The following RYR3 variants were observed in gnomAD, a reference collection of about 807,000 sequenced individuals.
The protein encoded by RYR3 is ryanodine receptor 3.
In RYR3, 207 loss-of-function variants were observed where a neutral mutation model predicts 584.3. The observed-to-expected ratio is 0.35, with a 90% CI of 0.32 to 0.40. The LOEUF is 0.40. RYR3 is among the 10% of genes least tolerant of loss of function. The pLI is 1.00. For synonymous variants in RYR3, 2,416 were observed against 2,248.5 expected (o/e 1.07, Z -2.11); for missense variants, 5,616 against 6,089.2 (o/e 0.92, Z 2.59).
At chr15:33,623,760 A>G in intron 19 of RYR3, 47 bp from the exon 20 acceptor site, 3 of 1,328,952 alleles carry the variant, frequency 2.3e-6, no homozygotes, top group Non-Finnish European at 3.2e-6. Flanking sequence ...TTTGGGCTGC[A>G]TTGTTTTTTT....
intron 1 of RYR3, among the ~76,000 whole-genome samples, chr15:33,420,293 C>T (rs193001845): frequency 6.6e-6 from 1 of 152,216 alleles, no homozygotes; most frequent in East Asian, 1.9e-4. Context: ...GCAAAGCAAC[C>T]AACAGAAGAA....
chr15:33,628,988 G>A (rs1420153480), intron 21 of RYR3, among the ~76,000 whole-genome samples: 1 of 152,180 alleles, frequency 6.6e-6, no homozygotes, highest in Admixed American at 6.5e-5. Context: ...TAAATTGACT[G>A]TGTTCCATGA....
rs756214937 is a variant in RYR3, at chr15:33,613,208, C to A, written c.2190C>A (p.Ser730=). 6.2e-7 allele frequency: 1 copy of A among 1,613,664 alleles called. No homozygotes were observed. The highest frequency in any genetic ancestry group is 2.2e-5 in the East Asian group (1 of 44,878). The change falls in exon 19 of 104, where the codon TCC becomes TCA. Residue 730 remains serine, a synonymous_variant. Transcript: ENST00000634891. ...WSGRIPRAVA[S]INQHLLRSDD... ...GCCGGATACCCAGAGCTGTGGCTTCCATCAACCAGCACCTCCTGAGATCGG... is the reference window on the plus strand; with the variant it reads ...GCCGGATACCCAGAGCTGTGGCTTCAATCAACCAGCACCTCCTGAGATCGG...
chr15:33,568,690 C>G (rs895044891), intron 12 of RYR3, among the ~76,000 whole-genome samples: 5 of 152,132 alleles, frequency 3.3e-5, no homozygotes, highest in Non-Finnish European at 7.4e-5. Context: ...CTCAGCCTCC[C>G]AAAATGTTGG....
In RYR3 at chr15:33,821,297, C is replaced by A. The variant is rs765728571; in HGVS notation, c.10843C>A (p.Leu3615Ile). 2 of 1,600,756 alleles carry A rather than the reference C, an allele frequency of 1.2e-6. No individual in the cohort carries two copies. The highest frequency in any genetic ancestry group is 1.7e-6 in the Non-Finnish European group (2 of 1,173,880). ...EEKEMEKQKT[L>I]YQQARLHERG... ...GAAAGAGATGGAGAAGCAAAAAACC[C>A]TCTATCAGCAAGCTCGGCTGCATGA... The change falls in exon 79 of 104, where the codon CTC becomes ATC. Residue 3615 changes from leucine (L) to isoleucine (I), a missense_variant. Physicochemically the swap from Leu to Ile is conservative, Grantham distance 5 (BLOSUM62 2). This residue lies in a region of RYR3 where 954 missense variants were observed against 1,132.2 expected (regional missense o/e 0.84). Transcript: ENST00000634891.
chr15:33,861,145 ATACAT>A lies in RYR3; in HGVS notation c.14437_14441del (p.Leu4813ArgfsTer16). 2 of 1,596,244 alleles carry A rather than the reference ATACAT, an allele frequency of 1.3e-6. No homozygotes were observed. The highest frequency in any genetic ancestry group is 8.5e-7 in the Non-Finnish European group (1 of 1,170,336). On this transcript the variant is annotated frameshift_variant, in exon 102 of 104. Coordinates refer to ENST00000634891, the MANE Select transcript of RYR3 (RefSeq NM_001036.6). LOFTEE classifies it high-confidence loss of function. ...ACAACCCCTCATGGTTTTGAAACAC[ATACAT>A]TACAAGAGCACAACTTAGCCAACTA...
chr15:33,833,232 C>A (rs1456561970), intron 86 of RYR3, among the ~76,000 whole-genome samples: 1 of 152,208 alleles, frequency 6.6e-6, no homozygotes, highest in African/African-American at 2.4e-5. Context: ...TTTTCCTGTA[C>A]ACCTTCATTT....
intron 15 of RYR3, among the ~76,000 whole-genome samples, chr15:33,585,665 G>A (rs1173845829): frequency 1.3e-5 from 2 of 152,164 alleles, no homozygotes; most frequent in Non-Finnish European, 2.9e-5. Flanking sequence ...TTTAAATGAA[G>A]TATTATGTGG....
chr15:33,624,653 G>T (rs2060894475), intron 20 of RYR3, among the ~76,000 whole-genome samples: 3 of 152,172 alleles, frequency 2.0e-5, no homozygotes, highest in African/African-American at 4.8e-5. Context: ...TAGCGTGAAG[G>T]GCTTTGGAAA....
chr15:33,779,773 C>T (rs919348937), intron 64 of RYR3, among the ~76,000 whole-genome samples: 2 of 151,872 alleles, frequency 1.3e-5, no homozygotes, highest in African/African-American at 2.4e-5. Context: ...GAGGCCGAGG[C>T]GGGCAGATCA....
chr15:33,496,168 A>G (rs1395174173), intron 2 of RYR3, among the ~76,000 whole-genome samples: 2 of 152,186 alleles, frequency 1.3e-5, no homozygotes, highest in Non-Finnish European at 2.9e-5. Flanking sequence ...GAGTAGGACT[A>G]TATAAAACCA....
intron 1 of RYR3, among the ~76,000 whole-genome samples, chr15:33,351,433 A>G (rs1480211563): frequency 6.3e-4 from 96 of 152,040 alleles, no homozygotes; most frequent in Non-Finnish European, 1.5e-4. Flanking sequence ...TCCTGATACC[A>G]AAGCCGGGCA....
At chr15:33,520,643 T>C (rs1343129877) in intron 3 of RYR3, among the ~76,000 whole-genome samples, 3 of 152,182 alleles carry the variant, frequency 2.0e-5, no homozygotes, top group Non-Finnish European at 4.4e-5. Flanking sequence ...AGCATACTTG[T>C]CATCAATCTA....
intron 78 of RYR3, among the ~76,000 whole-genome samples, 186 bp from the exon 79 acceptor site, chr15:33,821,084 G>A (rs1209945265): frequency 6.6e-6 from 1 of 151,904 alleles, no homozygotes; most frequent in African/African-American, 2.4e-5. Flanking sequence ...CAAAATAAGA[G>A]TGATGGGTAG....
At chr15:33,533,218 C>A in intron 4 of RYR3, 93 bp from the exon 5 acceptor site, 2 of 787,132 alleles carry the variant, frequency 2.5e-6, no homozygotes, top group South Asian at 3.0e-5. Flanking sequence ...CACAGTAGCT[C>A]ATTGTTGAAC....
At chr15:33,563,505 C>G (rs2057529173) in intron 11 of RYR3, among the ~76,000 whole-genome samples, 1 of 152,152 alleles carries the variant, frequency 6.6e-6, no homozygotes, top group African/African-American at 2.4e-5. Context: ...AGTGGTGCAT[C>G]ACAGCCTGCT....
At chr15:33,407,644 A>G (rs1055514649) in intron 1 of RYR3, among the ~76,000 whole-genome samples, 1 of 152,140 alleles carries the variant, frequency 6.6e-6, no homozygotes, top group Non-Finnish European at 1.5e-5. Flanking sequence ...GATAGCTTTG[A>G]TTTTGTGTCA....
chr15:33,865,329 A>AGGG lies in RYR3; in HGVS notation c.*103_*104insGGG. On this transcript the variant is annotated 3_prime_UTR_variant, in exon 104 of 104. Transcript: ENST00000634891. ...CATATCTGAAATGTGACATTTTCTA[A>AGGG]ATGCCTCCCTTAAAAAAAAAACTGC... 2.5e-6 allele frequency: 2 copies of AGGG among 799,568 alleles called. No homozygotes were observed. Among genetic ancestry groups the AGGG allele is most frequent in the South Asian group, 1.9e-5 (1 of 53,918 alleles). The allele number at this position is 799,568 out of a possible 1,614,324, so 49.5% of individuals were successfully genotyped here.
intron 1 of RYR3, among the ~76,000 whole-genome samples, chr15:33,446,757 G>A (rs1016508405): frequency 6.6e-6 from 1 of 152,178 alleles, no homozygotes; most frequent in Non-Finnish European, 1.5e-5. Context: ...GCCCATAATA[G>A]TATCCCAATC....
Sources: allele counts gnomAD v4.1 joint callset (sites outside exome capture counted in the v4.1 genomes callset), GRCh38; gene constraint gnomAD v4.1.1; regional missense constraint gnomAD v4.1.1; transcripts MANE v1.5; gene names NCBI Gene and HGNC (gene_info 2026-07-23, HGNC 2026-07-21).